CDH13: variants seen among roughly 807,000 people sequenced by gnomAD.
The protein encoded by CDH13 is cadherin-13.
Under a neutral mutation model 63.8 loss-of-function variants are expected in CDH13, and 24 were observed. The ratio of observed to expected loss-of-function variants is 0.38; its 90% CI spans 0.27 to 0.53. The LOEUF is 0.53. Ranked by LOEUF, CDH13 falls within the 20% of genes least tolerant of loss-of-function variation. CDH13 has a pLI of 0.85. For missense variants in CDH13, 1,049 were observed against 903.1 expected, an observed-to-expected ratio of 1.16 and a Z score of -2.07; for synonymous variants, 503 against 355.3, an observed-to-expected ratio of 1.42 and a Z score of -4.67.
chr16:83,349,904 A>G (rs2090915951), intron 6 of CDH13, among the ~76,000 whole-genome samples: 1 of 152,034 alleles, frequency 6.6e-6, no homozygotes, highest in Non-Finnish European at 1.5e-5. Flanking sequence ...CTGGCCCTTG[A>G]GGTGCATTAT....
At chr16:82,880,615 A>C (rs145006859) in intron 2 of CDH13, among the ~76,000 whole-genome samples, 1,611 of 152,324 alleles carry the variant, frequency 0.011, 41 homozygotes, top group African/African-American at 0.037. Flanking sequence ...CTACTCTAAT[A>C]GCCCAAGTCA....
At chr16:83,139,252 C>T (rs573112925) in intron 4 of CDH13, among the ~76,000 whole-genome samples, 6 of 152,312 alleles carry the variant, frequency 3.9e-5, no homozygotes, top group African/African-American at 9.6e-5. Flanking sequence ...GGAACACCAG[C>T]GTGTCACACG....
At chr16:83,709,834 G>C (rs1907734443) in intron 10 of CDH13, among the ~76,000 whole-genome samples, 1 of 152,230 alleles carries the variant, frequency 6.6e-6, no homozygotes, top group Non-Finnish European at 1.5e-5. Flanking sequence ...TCTATTTGAT[G>C]TGTAGTTCTC....
chr16:82,780,409 G>C (rs538352435), intron 1 of CDH13, among the ~76,000 whole-genome samples: 1 of 152,188 alleles, frequency 6.6e-6, no homozygotes, highest in Admixed American at 6.5e-5. Context: ...TAAATATTCA[G>C]TCATGACAGT....
At chr16:83,753,894 T>G (rs366929) in intron 11 of CDH13, among the ~76,000 whole-genome samples, 39,718 of 151,390 alleles carry the variant, frequency 0.26, 5,742 homozygotes, top group Non-Finnish European at 0.34. Flanking sequence ...TGCAGAAGCA[T>G]TGACAACTAG....
intron 1 of CDH13, among the ~76,000 whole-genome samples, chr16:82,679,850 A>G (rs3889829): frequency 0.023 from 3,428 of 152,318 alleles, 122 homozygotes; most frequent in African/African-American, 0.075. Context: ...CATTTGAAAC[A>G]GATGTGGAAC....
chr16:82,627,337 C>CGTGTGTGTGTGTGTGTGTGT (rs71146081), intron 1 of CDH13, among the ~76,000 whole-genome samples, 200 bp downstream of exon 1: 1 of 131,184 alleles, frequency 7.6e-6, no homozygotes, highest in Non-Finnish European at 1.6e-5. Flanking sequence ...CTCTGGCGTG[C>CGTGTGTGTGTGTGTGTGTGT]GTGTGTGTGT....
At chr16:83,369,187 G>A (rs4782778) in intron 6 of CDH13, among the ~76,000 whole-genome samples, 67,068 of 150,888 alleles carry the variant, frequency 0.44, 16,206 homozygotes, top group African/African-American at 0.65. Context: ...CACCAAGAAT[G>A]GTCATGATCA....
intron 1 of CDH13, among the ~76,000 whole-genome samples, chr16:82,780,766 T>G (rs550966394): frequency 1.3e-5 from 2 of 152,242 alleles, no homozygotes; most frequent in East Asian, 3.8e-4. Flanking sequence ...GCTTTTTTCT[T>G]TCACGCTGGT....
intron 4 of CDH13, among the ~76,000 whole-genome samples, chr16:83,138,475 C>G (rs1355647991): frequency 6.6e-6 from 1 of 152,174 alleles, no homozygotes; most frequent in South Asian, 2.1e-4. Context: ...AGAAAGCGCT[C>G]TCCAGGCAGT....
Position 83,404,362 on chromosome 16 carries a change from C to A in CDH13, c.781+59356C>A, listed in dbSNP as rs546547713. ...GACCTTGTTTCTTCTCCCAACACAT[C>A]TATCCATTTGTTGATTCATTCACTG... On this transcript the variant is annotated intron_variant, in intron 6 of 13. Transcript: ENST00000567109. Among the ~76,000 whole-genome samples, 3 of 152,330 alleles carry A rather than the reference C, an allele frequency of 2.0e-5. No individual in the cohort carries two copies. The East Asian group carries it at 5.8e-4, about 29-fold the overall frequency.
At chr16:83,763,363 C>T (rs900764296) in intron 11 of CDH13, among the ~76,000 whole-genome samples, 1 of 152,162 alleles carries the variant, frequency 6.6e-6, no homozygotes, top group Non-Finnish European at 1.5e-5. Context: ...CCAATAATGC[C>T]AGCTGATTCA....
intron 1 of CDH13, among the ~76,000 whole-genome samples, chr16:82,828,928 C>A (rs909362356): frequency 3.3e-5 from 5 of 152,020 alleles, no homozygotes; most frequent in African/African-American, 9.7e-5. Context: ...TACCAAGGGA[C>A]AATTGTGCTA....
intron 2 of CDH13, among the ~76,000 whole-genome samples, chr16:82,982,830 A>G (rs1910459089): frequency 6.6e-6 from 1 of 152,126 alleles, no homozygotes; most frequent in African/African-American, 2.4e-5. Flanking sequence ...CCCAGTATTT[A>G]TTGAGGGATG....
intron 6 of CDH13, among the ~76,000 whole-genome samples, chr16:83,363,454 C>T (rs112423619): frequency 6.6e-6 from 1 of 152,168 alleles, no homozygotes; most frequent in African/African-American, 2.4e-5. Flanking sequence ...GTGAGTGGTC[C>T]TCACACTGTA....
chr16:82,711,597 A>G (rs2151007171), intron 1 of CDH13, among the ~76,000 whole-genome samples: 1 of 152,344 alleles, frequency 6.6e-6, no homozygotes, highest in South Asian at 2.1e-4. Context: ...TGCACAGACA[A>G]AGACACTGAG....
intron 1 of CDH13, among the ~76,000 whole-genome samples, chr16:82,715,319 G>A (rs578146368): frequency 8.0e-5 from 12 of 149,284 alleles, no homozygotes; most frequent in East Asian, 1.9e-4. Flanking sequence ...CATCATCAGC[G>A]CCAATCCTGC....
intron 6 of CDH13, among the ~76,000 whole-genome samples, chr16:83,461,669 A>C (rs1181904670): frequency 1.3e-5 from 2 of 152,190 alleles, no homozygotes; most frequent in Non-Finnish European, 2.9e-5. Flanking sequence ...GCATGCATCA[A>C]GGTGTATCTT....
At chr16:83,368,217 C>G (rs1470483894) in intron 6 of CDH13, among the ~76,000 whole-genome samples, 3 of 152,192 alleles carry the variant, frequency 2.0e-5, no homozygotes, top group Non-Finnish European at 4.4e-5. Flanking sequence ...AGTAGAGCTA[C>G]TGGAGCCCAA....
Sources: allele counts gnomAD v4.1 joint callset (sites outside exome capture counted in the v4.1 genomes callset), GRCh38; gene constraint gnomAD v4.1.1; transcripts MANE v1.5; gene names NCBI Gene and HGNC (gene_info 2026-07-23, HGNC 2026-07-21).